CXCL14: variants seen among roughly 807,000 people sequenced by gnomAD.
CXCL14 encodes C-X-C motif chemokine 14.
CXCL14 carries 9 observed loss-of-function variants against 16.1 expected under a neutral mutation model. The ratio of observed to expected loss-of-function variants is 0.56; its 90% confidence interval spans 0.34 to 0.97. The LOEUF (loss-of-function observed/expected upper bound fraction) is 0.97, where lower values mean the gene tolerates loss of function less well. Among genes scored for constraint, CXCL14 ranks in the 50% least tolerant of loss-of-function variants. The probability of loss-of-function intolerance (pLI) is 0.02; values close to 1 mark genes in which losing one functional copy is unlikely to be tolerated. For synonymous variants in CXCL14, 55 were observed against 52.8 expected (o/e 1.04, Z -0.18); for missense variants, 111 against 132.5 (o/e 0.84, Z 0.80).
At chr5:135,572,869 T>C (rs1032731459) in intron 3 of CXCL14, among the ~76,000 whole-genome samples, 3 of 152,176 alleles carry the variant, frequency 2.0e-5, no homozygotes, top group Admixed American at 2.0e-4. Flanking sequence ...AAACACTTCC[T>C]TTATCACTGT....
In CXCL14 at chr5:135,574,681, T is replaced by A. The variant is rs759827097; in HGVS notation, c.175A>T (p.Thr59Ser). The A allele has an allele frequency of 1.2e-6, 2 of 1,612,960 alleles. No homozygotes were observed. The highest frequency in any genetic ancestry group is 2.7e-5 in the African/African-American group (2 of 74,854). The change falls in exon 3 of 4, where the codon ACC (threonine) becomes TCC (serine). Residue 59 changes from threonine (T) to serine (S), a missense_variant. Physicochemically the swap from Thr to Ser is moderately conservative, Grantham distance 58. Coordinates refer to ENST00000512158, the MANE Select transcript of CXCL14 (RefSeq NM_004887.5). ...CGGTACCTGGACACGCTCTTGGTGG[T>A]GATGCTGAAACGGAGCAGGATGAGG... is the stretch of plus-strand genomic sequence containing the variant. The part of the protein sequence containing the change: ...PHCEEKMVII[T>S]TKSVSRYRGQ...
intron 2 of CXCL14, among the ~76,000 whole-genome samples, chr5:135,577,580 G>A (rs1751125814): frequency 1.3e-5 from 2 of 152,234 alleles, no homozygotes; most frequent in Non-Finnish European, 2.9e-5. Context: ...CACTTGCCCA[G>A]ACTGAGAATA....
At chr5:135,573,886 C>G (rs1050232130) in intron 3 of CXCL14, among the ~76,000 whole-genome samples, 2 of 152,138 alleles carry the variant, frequency 1.3e-5, no homozygotes. Flanking sequence ...CCCAGGAAAC[C>G]AGAGATGGGA....
At chr5:135,576,999 C>T (rs1333014783) in intron 2 of CXCL14, among the ~76,000 whole-genome samples, 1 of 152,110 alleles carries the variant, frequency 6.6e-6, no homozygotes, top group Non-Finnish European at 1.5e-5. Context: ...TCCTGAGGCC[C>T]CTGCACGTTT....
intron 3 of CXCL14, among the ~76,000 whole-genome samples, chr5:135,572,576 T>A (rs1197132997): frequency 1.3e-5 from 2 of 152,228 alleles, no homozygotes; most frequent in Non-Finnish European, 2.9e-5. Flanking sequence ...TTCTTCTAGT[T>A]CTGCCCCATG....
intron 2 of CXCL14, among the ~76,000 whole-genome samples, chr5:135,577,041 T>C (rs1240033492): frequency 6.6e-6 from 1 of 152,152 alleles, no homozygotes; most frequent in Non-Finnish European, 1.5e-5. Flanking sequence ...TTCTCACACT[T>C]GCCTAGCTAT....
intron 1 of CXCL14, 29 bp from the exon 2 acceptor site, chr5:135,578,568 G>C (rs1480709702): frequency 6.2e-6 from 10 of 1,610,066 alleles, no homozygotes; most frequent in African/African-American, 1.3e-5. Flanking sequence ...CAACGGCTTA[G>C]TTGCTAGGCG....
chr5:135,576,059 A>G (rs1751092051), intron 2 of CXCL14, among the ~76,000 whole-genome samples: 1 of 152,204 alleles, frequency 6.6e-6, no homozygotes, highest in South Asian at 2.1e-4. Flanking sequence ...TGGGGGCATA[A>G]TGTTCCTAGG....
At position 135,571,763 on chromosome 5, in the gene CXCL14, TTTTTTTTTTTTTTTTTTTTTTTAATCTG is replaced by T; in HGVS notation, c.*62_*89del. On this transcript the variant is annotated 3_prime_UTR_variant, in exon 4 of 4. Coordinates refer to ENST00000512158, the MANE Select transcript of CXCL14 (RefSeq NM_004887.5). ...AAGGCTTTTTTTTTTTTTTTTTTTT[TTTTTTTTTTTTTTTTTTTTTTTAATCTG>T]CAAAGTCCTTTGCACAAGTCTCCCA... 2 of 163,334 alleles carry T rather than the reference TTTTTTTTTTTTTTTTTTTTTTTAATCTG, an allele frequency of 1.2e-5. No individual in the cohort carries two copies. Among genetic ancestry groups the T allele is most frequent in the Non-Finnish European group, 2.2e-5 (2 of 89,724 alleles). The allele number at this position is 163,334 out of a possible 1,614,324, so 10.1% of individuals were successfully genotyped here. A position where few individuals can be genotyped will look rare whatever the true frequency, so the allele number is the denominator to read the frequency against.
In CXCL14 at chr5:135,571,656, A is replaced by G. The variant is rs982649438; in HGVS notation, c.*197T>C. 7.2e-6 allele frequency: 4 copies of G among 552,472 alleles called. No individual in the cohort carries two copies. Among genetic ancestry groups the G allele is most frequent in the Middle Eastern group, 9.2e-4 (2 of 2,170 alleles). 34.2% of individuals were successfully genotyped at this position (552,472 alleles called of 1,614,324 possible). ...TCCCATCTGGAAGCCTTTCGCACGCAGCTATAAAATGTAAAAACTGACCGT... is the reference window on the plus strand; with the variant it reads ...TCCCATCTGGAAGCCTTTCGCACGCGGCTATAAAATGTAAAAACTGACCGT... On this transcript the variant is annotated 3_prime_UTR_variant, in exon 4 of 4. Coordinates refer to ENST00000512158, the MANE Select transcript of CXCL14 (RefSeq NM_004887.5).
intron 2 of CXCL14, among the ~76,000 whole-genome samples, chr5:135,577,871 T>G (rs1427290293): frequency 4.6e-5 from 7 of 152,162 alleles, no homozygotes; most frequent in Non-Finnish European, 1.0e-4. Context: ...TACTGCTCCG[T>G]ATTGGGGACC....
chr5:135,573,754 T>C (rs1430114593), intron 3 of CXCL14, among the ~76,000 whole-genome samples: 1 of 151,162 alleles, frequency 6.6e-6, no homozygotes, highest in Admixed American at 6.6e-5. Context: ...TTCCTGATCA[T>C]GCTATGCAGG....
chr5:135,576,542 T>C (rs1046234324), intron 2 of CXCL14, among the ~76,000 whole-genome samples: 2 of 152,088 alleles, frequency 1.3e-5, no homozygotes, highest in African/African-American at 4.8e-5. Flanking sequence ...AGTGCAGACA[T>C]AGGGATTTGT....
At chr5:135,578,644 A>G in intron 1 of CXCL14, 71 bp downstream of exon 1, 1 of 1,580,914 alleles carries the variant, frequency 6.3e-7, no homozygotes, top group African/African-American at 1.3e-5. Flanking sequence ...CAGGATGCCT[A>G]GAAATTGGCG....
At position 135,571,012 on chromosome 5, in the gene CXCL14, G is replaced by A. The variant is rs1202019461; in HGVS notation, c.*841C>T. The A allele has an allele frequency of 6.6e-6, 1 of 152,194 alleles. No individual in the cohort carries two copies. Among genetic ancestry groups the A allele is most frequent in the African/African-American group, 2.4e-5 (1 of 41,446 alleles). 9.4% of individuals were successfully genotyped at this position (152,194 alleles called of 1,614,324 possible). On this transcript the variant is annotated 3_prime_UTR_variant, in exon 4 of 4. Transcript: ENST00000512158. ...AGGTTTTCCCTTGTCAACAGAATGT[G>A]TGTCTGTAGCTGTGTATTGCGCATG... is the stretch of plus-strand genomic sequence containing the variant.
chr5:135,572,325 T>C (rs896850818), intron 3 of CXCL14, among the ~76,000 whole-genome samples: 1 of 152,230 alleles, frequency 6.6e-6, no homozygotes, highest in Non-Finnish European at 1.5e-5. Flanking sequence ...AGGCATTCCC[T>C]TACTTGACTT....
At position 135,578,976 on chromosome 5, in the gene CXCL14, T is replaced by C. The variant is rs1400329876; in HGVS notation, c.-198A>G. 8.8e-6 allele frequency: 5 copies of C among 565,174 alleles called. No individual in the cohort carries two copies. The South Asian group carries it at 1.3e-4, about 15-fold the overall frequency. 35.0% of individuals were successfully genotyped at this position (565,174 alleles called of 1,614,324 possible). ...CCGTGCGCTGCGCTCTGCGCTTGTC[T>C]CCGCGCTCTCTCCACAGCCTCCCTC... On this transcript the variant is annotated 5_prime_UTR_variant, in exon 1 of 4. Transcript: ENST00000512158.
rs138491712 is a variant in CXCL14, at chr5:135,571,421, C to T, written c.*432G>A. On this transcript the variant is annotated 3_prime_UTR_variant, in exon 4 of 4. Transcript: ENST00000512158. ...GTGCCGAGGCGCCAGGACCTCTAAG[C>T]GGAAGCTTCCCAAGCTAGGAATGGA... 75 of 164,840 alleles carry T rather than the reference C, an allele frequency of 4.5e-4. No homozygotes were observed. Among genetic ancestry groups the T allele is most frequent in the African/African-American group, 1.7e-3 (69 of 41,746 alleles). The allele number at this position is 164,840 out of a possible 1,614,324, so 10.2% of individuals were successfully genotyped here. A position where few individuals can be genotyped will look rare whatever the true frequency, so the allele number is the denominator to read the frequency against.
Position 135,571,872 on chromosome 5 carries a change from G to A in CXCL14, c.285-4C>T. On this transcript the variant is annotated splice_region_variant and splice_polypyrimidine_tract_variant and intron_variant, in intron 3 of 3. Transcript: ENST00000512158. Reference sequence around the variant, plus strand: ...TTCACCCTATTCTTCGTAGACCCTGGGGAGAAAAAACACATGTGTAAGTGG... The same window carrying A: ...TTCACCCTATTCTTCGTAGACCCTGAGGAGAAAAAACACATGTGTAAGTGG... 6.2e-7 allele frequency: 1 copy of A among 1,607,130 alleles called. No homozygotes were observed. The highest frequency in any genetic ancestry group is 8.5e-7 in the Non-Finnish European group (1 of 1,177,154).
Sources: allele counts gnomAD v4.1 joint callset (sites outside exome capture counted in the v4.1 genomes callset), GRCh38; gene constraint gnomAD v4.1.1; transcripts MANE v1.5; gene names NCBI Gene and HGNC (gene_info 2026-07-23, HGNC 2026-07-21).